Variants in STARD10 observed in about 807,000 individuals in gnomAD.
The protein encoded by STARD10 is StAR related lipid transfer domain containing 10.
Under a neutral mutation model 36.0 loss-of-function variants are expected in STARD10, and 24 were observed. The observed-to-expected ratio is 0.67, with a 90% CI of 0.48 to 0.94. The LOEUF (loss-of-function observed/expected upper bound fraction) is 0.94, where lower values mean the gene tolerates loss of function less well. Among genes scored for constraint, STARD10 ranks in the 40% least tolerant of loss-of-function variants. The pLI, the probability that STARD10 is intolerant of heterozygous loss-of-function variation, is 0.00. For synonymous variants in STARD10, 156 were observed against 161.9 expected (o/e 0.96, Z 0.28); for missense variants, 335 against 396.6 (o/e 0.84, Z 1.32).
chr11:72,771,579 T>A (rs994636897), intron 2 of STARD10, among the ~76,000 whole-genome samples: 1 of 152,144 alleles, frequency 6.6e-6, no homozygotes, highest in Non-Finnish European at 1.5e-5. Context: ...CAGAGCTCCC[T>A]GAGCAGACTG....
At chr11:72,757,098 T>C (rs1858654903) in intron 5 of STARD10, among the ~76,000 whole-genome samples, 1 of 146,304 alleles carries the variant, frequency 6.8e-6, no homozygotes, top group Non-Finnish European at 1.5e-5. Flanking sequence ...TGAGCCGAGA[T>C]TGCACCATTG....
At position 72,781,305 on chromosome 11, in the gene STARD10, G is replaced by T; in HGVS notation, c.-113-11C>A. On this transcript the variant is annotated splice_polypyrimidine_tract_variant and intron_variant, in intron 1 of 6. Coordinates refer to ENST00000334805, the MANE Select transcript of STARD10 (RefSeq NM_006645.3). The surrounding 1 kb of genome is among the most constrained non-coding windows in gnomAD (Gnocchi z 4.7). ...CCACCTTCCTGGGACCTGCAAGACC[G>T]GTTTGGGGACGGGAATCAGTGCGCT... 2.5e-6 allele frequency: 2 copies of T among 809,054 alleles called. No individual in the cohort carries two copies. The highest frequency in any genetic ancestry group is 1.7e-5 in the South Asian group (1 of 58,664). 50.1% of individuals were successfully genotyped at this position (809,054 alleles called of 1,614,324 possible).
intron 1 of STARD10, chr11:72,782,563 ACACACACACACATG>A (rs1456206112): frequency 6.6e-6 from 1 of 151,590 alleles, no homozygotes; most frequent in Non-Finnish European, 1.5e-5. Flanking sequence ...GCGCGTGTAC[ACACACACACACATG>A]CACGCACACA....
rs1379630076 is a variant in STARD10 at position 72,757,810 on chromosome 11, G to A, written c.534C>T (p.Pro178=). The part of the protein sequence containing the change: ...QTGYLIQSTG[P]KSCVITYLAQ... Reference sequence around the variant, plus strand: ...CCAGGTAGGTGATGACGCAGCTCTTGGGCCCTGTGCTCTGGATGAGGTAGC... The same window carrying A: ...CCAGGTAGGTGATGACGCAGCTCTTAGGCCCTGTGCTCTGGATGAGGTAGC... The change falls in exon 5 of 7, where the codon CCC becomes CCT. Residue 178 remains proline (P), a synonymous_variant. Transcript: ENST00000334805. The A allele has an allele frequency of 1.2e-6, 2 of 1,614,188 alleles. No individual in the cohort carries two copies. Among genetic ancestry groups the A allele is most frequent in the Admixed American group, 3.3e-5 (2 of 60,026 alleles).
intron 1 of STARD10, chr11:72,790,421 A>C (rs1250584024): frequency 2.0e-5 from 3 of 152,228 alleles, no homozygotes; most frequent in African/African-American, 7.2e-5. Context: ...CCAGACTTCC[A>C]TTAGGGAAGC....
chr11:72,783,774 C>A (rs1859035638), intron 1 of STARD10, among the ~76,000 whole-genome samples: 1 of 152,106 alleles, frequency 6.6e-6, no homozygotes, highest in African/African-American at 2.4e-5. Flanking sequence ...TACCCACCAT[C>A]CAGTCCAGGG....
intron 2 of STARD10, among the ~76,000 whole-genome samples, chr11:72,764,001 A>G (rs1858753465): frequency 6.6e-6 from 1 of 152,222 alleles, no homozygotes; most frequent in African/African-American, 2.4e-5. Flanking sequence ...GTTCTTAACC[A>G]TCAAAGAGCA....
chr11:72,759,849 A>T (rs1858693232), intron 2 of STARD10, among the ~76,000 whole-genome samples: 1 of 151,940 alleles, frequency 6.6e-6, no homozygotes. Context: ...ACGCGGCCAT[A>T]CCACCTGTCC....
In STARD10 at chr11:72,757,785, C is replaced by T; in HGVS notation, c.559G>A (p.Ala187Thr). 6.2e-7 allele frequency: 1 copy of T among 1,614,066 alleles called. No homozygotes were observed. Among genetic ancestry groups the T allele is most frequent in the South Asian group, 1.1e-5 (1 of 91,076 alleles). ...CCCTCACCTTTGGGGTCCACCTGGG[C>T]CAGGTAGGTGATGACGCAGCTCTTG... The part of the protein sequence containing the change: ...GPKSCVITYL[A>T]QVDPKGSLPK... Residue 187 changes from alanine (A) to threonine (T), a missense_variant, in exon 5 of 7, where the codon GCC (alanine) becomes ACC (threonine). By Grantham distance (58) the Ala-to-Thr change is moderately conservative. Coordinates refer to ENST00000334805, the MANE Select transcript of STARD10 (RefSeq NM_006645.3).
At chr11:72,780,713 T>C (rs1858981449) in intron 2 of STARD10, 3 of 533,074 alleles carry the variant, frequency 5.6e-6, no homozygotes, top group African/African-American at 3.8e-5. Context: ...CCCAGATCCC[T>C]GGAACAGGCA....
chr11:72,755,107 G>A lies in STARD10; in HGVS notation c.666C>T (p.Tyr222=), dbSNP rs759387052. 1.2e-6 allele frequency: 2 copies of A among 1,613,484 alleles called. No homozygotes were observed. Among genetic ancestry groups the A allele is most frequent in the Non-Finnish European group, 1.7e-6 (2 of 1,179,812 alleles). ...MKKMYKACLK[Y]PEWKQKHLPH... is the part of the protein sequence containing the mutation. ...GCAGGTGCTTCTGTTTCCACTCGGG[G>A]TACTTGAGGCACGCCTTGTACATCT... Residue 222 remains tyrosine, a synonymous_variant, in exon 7 of 7, where the codon TAC becomes TAT. Coordinates refer to ENST00000334805, the MANE Select transcript of STARD10 (RefSeq NM_006645.3).
At chr11:72,790,104 G>A (rs1859122564) in intron 1 of STARD10, among the ~76,000 whole-genome samples, 1 of 152,216 alleles carries the variant, frequency 6.6e-6, no homozygotes, top group African/African-American at 2.4e-5. Context: ...CCGGCCCTGG[G>A]TTTCTCCCGA....
Position 72,781,368 on chromosome 11 carries a change from G to A in STARD10, c.-113-74C>T, listed in dbSNP as rs1404468117. 4 of 602,524 alleles carry A rather than the reference G, an allele frequency of 6.6e-6. No individual in the cohort carries two copies. The highest frequency in any genetic ancestry group is 1.2e-5 in the Non-Finnish European group (4 of 339,766). The allele number at this position is 602,524 out of a possible 1,614,324, so 37.3% of individuals were successfully genotyped here. A position where few individuals can be genotyped will look rare whatever the true frequency, so the allele number is the denominator to read the frequency against. Reference sequence around the variant, plus strand: ...GGGGCTGTTCGGGGTCCTGGCGGGTGGGGAGCTGGAGAGAGGTAGGGGCTG... The same window carrying A: ...GGGGCTGTTCGGGGTCCTGGCGGGTAGGGAGCTGGAGAGAGGTAGGGGCTG... On this transcript the variant is annotated intron_variant, in intron 1 of 6. Transcript: ENST00000334805. This position sits in a 1 kb window ranked among gnomAD's most constrained non-coding sequence, Gnocchi z 4.7.
intron 1 of STARD10, among the ~76,000 whole-genome samples, chr11:72,783,116 G>A (rs568519961): frequency 1.3e-5 from 2 of 152,298 alleles, no homozygotes; most frequent in Admixed American, 6.5e-5. Context: ...ACGAGGAGTC[G>A]AGGATTTGTC....
chr11:72,785,404 A>C (rs534485667), intron 1 of STARD10, among the ~76,000 whole-genome samples: 1 of 151,702 alleles, frequency 6.6e-6, no homozygotes, highest in Non-Finnish European at 1.5e-5. Flanking sequence ...ATCTCTACTA[A>C]AAATACAACA....
intron 2 of STARD10, among the ~76,000 whole-genome samples, chr11:72,764,848 C>G (rs1235447289): frequency 6.6e-6 from 1 of 152,192 alleles, no homozygotes; most frequent in Non-Finnish European, 1.5e-5. Flanking sequence ...TTGGCTGCCC[C>G]CGGAGAAACT....
intron 2 of STARD10, among the ~76,000 whole-genome samples, chr11:72,776,011 G>A (rs777317272): frequency 6.6e-6 from 1 of 152,152 alleles, no homozygotes; most frequent in Non-Finnish European, 1.5e-5. Flanking sequence ...CCAACCCAAA[G>A]TCTAGACACT....
At chr11:72,760,877 T>C (rs538574719) in intron 2 of STARD10, among the ~76,000 whole-genome samples, 21 of 151,898 alleles carry the variant, frequency 1.4e-4, no homozygotes, top group Non-Finnish European at 1.9e-4. Context: ...TCTCAGCAAA[T>C]GGACAAGTTT....
At chr11:72,784,814 G>A (rs1160208615) in intron 1 of STARD10, among the ~76,000 whole-genome samples, 2 of 152,224 alleles carry the variant, frequency 1.3e-5, no homozygotes, top group South Asian at 4.1e-4. Flanking sequence ...CATAGAAGGT[G>A]AGACTGTGTA....
Sources: allele counts gnomAD v4.1 joint callset (sites outside exome capture counted in the v4.1 genomes callset), GRCh38; gene constraint gnomAD v4.1.1; non-coding constraint Gnocchi (gnomAD v3.1); transcripts MANE v1.5; gene names NCBI Gene and HGNC (gene_info 2026-07-23, HGNC 2026-07-21).